TENM2: variants seen among roughly 807,000 people sequenced by gnomAD.
The protein encoded by TENM2 is teneurin transmembrane protein 2.
Under a neutral mutation model 245.2 loss-of-function variants are expected in TENM2, and 52 were observed. That is an observed-to-expected ratio of 0.21 (90% CI 0.17 to 0.27). TENM2 has a LOEUF of 0.27. TENM2 is among the 10% of genes least tolerant of loss of function. The probability of loss-of-function intolerance (pLI) is 1.00; values close to 1 mark genes in which losing one functional copy is unlikely to be tolerated. For missense variants in TENM2, 3,046 were observed against 3,666.8 expected (o/e 0.83, Z 4.37); for synonymous variants, 1,363 against 1,438.9 (o/e 0.95, Z 1.19).
At chr5:168,165,647 AACCCC>A (rs1172240855) in intron 13 of TENM2, among the ~76,000 whole-genome samples, 91 of 15,884 alleles carry the variant, frequency 5.7e-3, no homozygotes, top group South Asian at 0.012. Context: ...TCCCCCCCCC[AACCCC>A]CCCCCCCCCC....
chr5:167,575,683 T>C (rs1774613845), intron 2 of TENM2, among the ~76,000 whole-genome samples: 1 of 152,004 alleles, frequency 6.6e-6, no homozygotes, highest in Admixed American at 6.6e-5. Context: ...CTGATACAGG[T>C]TGGGGAGACT....
At chr5:167,613,914 A>AC (rs2127755082) in intron 2 of TENM2, among the ~76,000 whole-genome samples, 1 of 152,246 alleles carries the variant, frequency 6.6e-6, no homozygotes, top group South Asian at 2.1e-4. Context: ...TAAGTTAAAA[A>AC]AATTATTCAT....
the TENM2 span, among the ~76,000 whole-genome samples, chr5:167,000,234 T>TG: frequency 6.6e-6 from 1 of 152,058 alleles, no homozygotes; most frequent in Non-Finnish European, 1.5e-5. Context: ...AGAGAAAAAT[T>TG]GGGAGAAAAT....
intron 2 of TENM2, among the ~76,000 whole-genome samples, chr5:167,693,051 C>T (rs1003169797): frequency 3.9e-5 from 6 of 152,184 alleles, no homozygotes; most frequent in Non-Finnish European, 7.3e-5. Flanking sequence ...TTTACATAGC[C>T]TTTGCGAGAG....
chr5:167,848,332 A>G (rs1770242269), intron 2 of TENM2, among the ~76,000 whole-genome samples: 1 of 152,230 alleles, frequency 6.6e-6, no homozygotes, highest in South Asian at 2.1e-4. Context: ...AATGAATGAA[A>G]TAAGAGGGCA....
intron 2 of TENM2, among the ~76,000 whole-genome samples, chr5:167,658,229 G>T (rs1426351559): frequency 2.1e-5 from 3 of 143,586 alleles, no homozygotes; most frequent in African/African-American, 2.6e-5. Flanking sequence ...TTTTTTTTAA[G>T]ACCGAGTTTC....
At chr5:167,000,807 A>G in the TENM2 span, among the ~76,000 whole-genome samples, 1 of 152,210 alleles carries the variant, frequency 6.6e-6, no homozygotes, top group South Asian at 2.1e-4. Flanking sequence ...CTCTATTCGT[A>G]GAAAATTGTT....
chr5:167,939,377 C>T (rs62384407), intron 3 of TENM2, among the ~76,000 whole-genome samples: 12,568 of 152,206 alleles, frequency 0.083, 581 homozygotes, highest in Non-Finnish European at 0.098. Context: ...GGCAGTAATG[C>T]GTGTTCACCC....
intron 3 of TENM2, among the ~76,000 whole-genome samples, chr5:167,903,561 A>T (rs1021838648): frequency 6.6e-6 from 1 of 152,126 alleles, no homozygotes; most frequent in African/African-American, 2.4e-5. Context: ...GGCTATTTTC[A>T]GGTCAAGGAA....
rs573176893 is a variant in TENM2, at chr5:167,770,613, C to T, written c.503-105373C>T. Among the ~76,000 whole-genome samples, 7 of 152,294 alleles carry T rather than the reference C, an allele frequency of 4.6e-5. 1 individual carries two copies. In the South Asian group the frequency reaches 1.2e-3, roughly 27 times the overall value. On this transcript the variant is annotated intron_variant, in intron 2 of 28. Transcript: ENST00000518659. ...TTGCTCTTGTAACCACCACGTTGCA[C>T]TTCGTCTGTAAGATGCATGCCTAAA... is the stretch of plus-strand genomic sequence containing the variant.
At chr5:167,206,219 A>G in the TENM2 span, among the ~76,000 whole-genome samples, 1 of 152,156 alleles carries the variant, frequency 6.6e-6, no homozygotes, top group Non-Finnish European at 1.5e-5. Context: ...TGAACTCATC[A>G]TCATTCCTGA....
chr5:168,010,684 A>G (rs1315059896), intron 5 of TENM2, among the ~76,000 whole-genome samples: 1 of 152,218 alleles, frequency 6.6e-6, no homozygotes, highest in Non-Finnish European at 1.5e-5. Context: ...GTTCATGGGG[A>G]AAAGCCCTGA....
At chr5:167,342,311 G>A (rs1351012754) in intron 1 of TENM2, among the ~76,000 whole-genome samples, 2 of 151,982 alleles carry the variant, frequency 1.3e-5, no homozygotes, top group South Asian at 2.1e-4. Flanking sequence ...ATGTCCCACA[G>A]TTGAGATCTG....
the TENM2 span, among the ~76,000 whole-genome samples, chr5:167,255,743 T>C: frequency 6.6e-6 from 1 of 152,174 alleles, no homozygotes; most frequent in Non-Finnish European, 1.5e-5. Flanking sequence ...AATCCTCAAA[T>C]AGAAAATAAA....
At chr5:167,030,531 A>C in the TENM2 span, among the ~76,000 whole-genome samples, 3 of 152,088 alleles carry the variant, frequency 2.0e-5, no homozygotes, top group African/African-American at 7.2e-5. Context: ...CTACAGACAT[A>C]CTTGGCGCGT....
At chr5:168,230,025 T>TAAAG (rs534544885) in intron 25 of TENM2, among the ~76,000 whole-genome samples, 5 of 152,206 alleles carry the variant, frequency 3.3e-5, no homozygotes, top group African/African-American at 9.6e-5. Context: ...GTTTTCCAAA[T>TAAAG]AAAGATAAAT....
chr5:167,005,534 T>A, the TENM2 span, among the ~76,000 whole-genome samples: 1 of 152,024 alleles, frequency 6.6e-6, no homozygotes, highest in Admixed American at 6.6e-5. Context: ...TATACTGAAC[T>A]TTTAACTCAC....
the TENM2 span, among the ~76,000 whole-genome samples, chr5:167,202,999 A>T: frequency 1.3e-5 from 2 of 152,200 alleles, no homozygotes; most frequent in Non-Finnish European, 2.9e-5. Flanking sequence ...TAGAGTGATG[A>T]TAGATAATTT....
intron 2 of TENM2, among the ~76,000 whole-genome samples, chr5:167,464,168 CTT>C (rs1438584023): frequency 6.6e-6 from 1 of 152,132 alleles, no homozygotes; most frequent in Non-Finnish European, 1.5e-5. Flanking sequence ...TCTTAGGAGA[CTT>C]GCTGCCTATC....
Sources: allele counts gnomAD v4.1 joint callset (sites outside exome capture counted in the v4.1 genomes callset), GRCh38; gene constraint gnomAD v4.1.1; transcripts MANE v1.5; gene names NCBI Gene and HGNC (gene_info 2026-07-23, HGNC 2026-07-21).